The following CASZ1 variants were observed in gnomAD, a reference collection of about 807,000 sequenced individuals.
The protein encoded by CASZ1 is castor zinc finger 1, also known as zinc finger protein castor homolog 1.
In CASZ1, 28 loss-of-function variants were observed where a neutral mutation model predicts 135.2. The observed-to-expected ratio is 0.21, with a 90% CI of 0.15 to 0.28. CASZ1 has a LOEUF of 0.28. CASZ1 is among the 10% of genes least tolerant of loss of function. The pLI is 1.00. For missense variants in CASZ1, 2,161 were observed against 2,453.3 expected, an observed-to-expected ratio of 0.88 and a Z score of 2.52; for synonymous variants, 1,068 against 1,073.4, an observed-to-expected ratio of 0.99 and a Z score of 0.10.
In CASZ1 at chr1:10,727,250, G is replaced by C. The variant is rs529133388; in HGVS notation, c.-76-21706C>G. Among the ~76,000 whole-genome samples, 20 of 152,080 alleles carry C rather than the reference G, an allele frequency of 1.3e-4. No individual in the cohort carries two copies. Among genetic ancestry groups the C allele is most frequent in the Non-Finnish European group, 2.6e-4 (18 of 67,994 alleles). On this transcript the variant is annotated intron_variant, in intron 2 of 20. Coordinates refer to ENST00000377022, the MANE Select transcript of CASZ1 (RefSeq NM_001079843.3). This position sits in a 1 kb window ranked among gnomAD's most constrained non-coding sequence, Gnocchi z 5.3. ...GGAGACCAGGGCGTCTTGCAGGCAG[G>C]GGCTGCAGAGCCATAAGGCACCTGC...
In CASZ1 at chr1:10,672,967, G is replaced by T. The variant is rs537411824; in HGVS notation, c.17-7396C>A. 7.2e-5 allele frequency among the ~76,000 whole-genome samples: 11 copies of T among 152,282 alleles called. 1 individual carries two copies. The South Asian group carries it at 2.3e-3, about 32-fold the overall frequency. ...GTGTGCCTGTGAGTGTTTGGAGGTG[G>T]GCTGGCGGTTCCATTAATTTGTGGG... is the stretch of plus-strand genomic sequence containing the variant. On this transcript the variant is annotated intron_variant, in intron 4 of 20. Coordinates refer to ENST00000377022, the MANE Select transcript of CASZ1 (RefSeq NM_001079843.3).
intron 2 of CASZ1, among the ~76,000 whole-genome samples, chr1:10,729,829 T>A (rs75365172): frequency 0.035 from 5,248 of 151,964 alleles, 167 homozygotes; most frequent in African/African-American, 0.083. Context: ...TTTTTTTTTA[T>A]TTTTGACATG....
chr1:10,645,305 C>A (rs141751069), intron 17 of CASZ1, among the ~76,000 whole-genome samples: 1 of 152,134 alleles, frequency 6.6e-6, no homozygotes, highest in African/African-American at 2.4e-5. Flanking sequence ...CCGAGGTGGG[C>A]GGATCACGAG....
rs1639425327 is a variant in CASZ1, at chr1:10,717,956, G to T, written c.-76-12412C>A. Among the ~76,000 whole-genome samples the T allele has an allele frequency of 6.6e-6, 1 of 152,282 alleles. No individual in the cohort carries two copies. Among genetic ancestry groups the T allele is most frequent in the African/African-American group, 2.4e-5 (1 of 41,478 alleles). ...CTGGTCGCCTCAGCGACCAAAGCGG[G>T]TGCAGGGACGGGCCGAGGGGGCTAC... On this transcript the variant is annotated intron_variant, in intron 2 of 20. Transcript: ENST00000377022. The surrounding 1 kb of genome is among the most constrained non-coding windows in gnomAD (Gnocchi z 4.6).
chr1:10,639,608 G>C lies in CASZ1; in HGVS notation c.4614C>G (p.Gly1538=). The C allele has an allele frequency of 6.2e-7, 1 of 1,611,270 alleles. No homozygotes were observed. The change falls in exon 21 of 21, where the codon GGC becomes GGG. Residue 1538 remains glycine, a synonymous_variant. Transcript: ENST00000377022. The surrounding 1 kb of genome is among the most constrained non-coding windows in gnomAD (Gnocchi z 4.0). ...TKVTAHRKHH[G]KQDVISAAGF... ...CCGCGGCGCTGATCACGTCCTGTTTGCCGTGGTGCTTGCGATGCGCCGTGA... is the reference window on the plus strand; with the variant it reads ...CCGCGGCGCTGATCACGTCCTGTTTCCCGTGGTGCTTGCGATGCGCCGTGA...
At chr1:10,736,909 C>T (rs1197523929) in intron 2 of CASZ1, among the ~76,000 whole-genome samples, 1 of 152,224 alleles carries the variant, frequency 6.6e-6, no homozygotes, top group Non-Finnish European at 1.5e-5. Context: ...GCAGGTGCTC[C>T]TGGGGCCGTG....
intron 4 of CASZ1, among the ~76,000 whole-genome samples, chr1:10,682,080 A>T (rs1049851394): frequency 2.0e-5 from 3 of 152,234 alleles, no homozygotes; most frequent in Non-Finnish European, 2.9e-5. Flanking sequence ...GGGGATTGAA[A>T]AAAAGATGGG....
Position 10,679,203 on chromosome 1 carries a change from G to T in CASZ1, c.17-13632C>A, listed in dbSNP as rs988195523. Among the ~76,000 whole-genome samples, 2 of 152,222 alleles carry T rather than the reference G, an allele frequency of 1.3e-5. No homozygotes were observed. The highest frequency in any genetic ancestry group is 2.9e-5 in the Non-Finnish European group (2 of 68,032). On this transcript the variant is annotated intron_variant, in intron 4 of 20. Transcript: ENST00000377022. This position sits in a 1 kb window ranked among gnomAD's most constrained non-coding sequence, Gnocchi z 4.7. The stretch of plus-strand genomic sequence containing the variant: ...CCAGGGCCTGCTGCTTTTGATGAAA[G>T]CATAGGCTGATCCTGGGAGCCTGCT...
chr1:10,722,019 G>C (rs1196398154), intron 2 of CASZ1, among the ~76,000 whole-genome samples: 1 of 152,244 alleles, frequency 6.6e-6, no homozygotes, highest in East Asian at 1.9e-4. Flanking sequence ...CAGAGCATCT[G>C]CTCGTTAAGA....
At chr1:10,778,365 TAAAC>T (rs1023830448) in intron 1 of CASZ1, among the ~76,000 whole-genome samples, 7 of 151,258 alleles carry the variant, frequency 4.6e-5, no homozygotes, top group South Asian at 2.1e-4. Context: ...CACAATCTCA[TAAAC>T]AATCTCATAC....
At chr1:10,730,403 G>C (rs926113371) in intron 2 of CASZ1, among the ~76,000 whole-genome samples, 1 of 152,176 alleles carries the variant, frequency 6.6e-6, no homozygotes, top group African/African-American at 2.4e-5. Flanking sequence ...CTTGACCCTC[G>C]AGTATGCATC....
chr1:10,639,287 G>A lies in CASZ1; in HGVS notation c.4935C>T (p.Asp1645=), dbSNP rs1642114196. The change falls in exon 21 of 21, where the codon GAC becomes GAT. Residue 1645 remains aspartate, a synonymous_variant. Transcript: ENST00000377022. This position sits in a 1 kb window ranked among gnomAD's most constrained non-coding sequence, Gnocchi z 4.0. ...AAAGLGLALG[D]AGDPGPPDAA... is the part of the protein sequence containing the mutation. ...CGTCGGGCGGGCCGGGGTCGCCCGC[G>A]TCGCCCAGCGCCAGGCCCAGGCCGG... 4.1e-6 allele frequency: 5 copies of A among 1,215,362 alleles called. No individual in the cohort carries two copies. Among genetic ancestry groups the A allele is most frequent in the Non-Finnish European group, 4.1e-6 (4 of 973,716 alleles). The allele number at this position is 1,215,362 out of a possible 1,614,324, so 75.3% of individuals were successfully genotyped here.
chr1:10,675,022 G>GC (rs901629421), intron 4 of CASZ1, among the ~76,000 whole-genome samples: 1 of 151,790 alleles, frequency 6.6e-6, no homozygotes, highest in Non-Finnish European at 1.5e-5. Flanking sequence ...GATACCCCCC[G>GC]CAACCAACTG....
Position 10,698,928 on chromosome 1 carries a change from C to T in CASZ1, c.-23-5016G>A, listed in dbSNP as rs117620484. Among the ~76,000 whole-genome samples, 8 of 152,332 alleles carry T rather than the reference C, an allele frequency of 5.3e-5. No individual in the cohort carries two copies. The East Asian group carries it at 7.7e-4, about 15-fold the overall frequency. On this transcript the variant is annotated intron_variant, in intron 3 of 20. Transcript: ENST00000377022. Reference sequence around the variant, plus strand: ...AGGGCTCTGTGTGGCTCCAGCACAGCGGACCGGACCGGAGGCAGCCAGCTC... The same window carrying T: ...AGGGCTCTGTGTGGCTCCAGCACAGTGGACCGGACCGGAGGCAGCCAGCTC...
rs572824153 is a variant in CASZ1, at chr1:10,700,080, G to GACACACACACACAC, written c.-24+5398_-24+5411dup. Among the ~76,000 whole-genome samples the GACACACACACACAC allele has an allele frequency of 0.037, 4,969 of 133,946 alleles. 150 individuals carry two copies. Among genetic ancestry groups the GACACACACACACAC allele is most frequent in the Middle Eastern group, 0.058 (15 of 258 alleles). 87.9% of individuals were successfully genotyped at this position (133,946 alleles called of 152,430 possible). ...AGACAGAGAGAGAAAGAGAGATAGA[G>GACACACACACACAC]ACACACACACACACACACACACACA... On this transcript the variant is annotated intron_variant, in intron 3 of 20. Transcript: ENST00000377022. The surrounding 1 kb of genome is among the most constrained non-coding windows in gnomAD (Gnocchi z 4.2).
At position 10,638,366 on chromosome 1, in the gene CASZ1, C is replaced by G. The variant is rs1642064213; in HGVS notation, c.*576G>C. On this transcript the variant is annotated 3_prime_UTR_variant, in exon 21 of 21. Transcript: ENST00000377022. The surrounding 1 kb of genome is among the most constrained non-coding windows in gnomAD (Gnocchi z 5.9). ...CCCGACCCAGGCCTGGGGGAGCAGC[C>G]GGGCCCTGGGGTGGGGCTGAGCTGG... 1 of 152,152 alleles carries G rather than the reference C, an allele frequency of 6.6e-6. No homozygotes were observed. The highest frequency in any genetic ancestry group is 6.5e-5 in the Admixed American group (1 of 15,276). The allele number at this position is 152,152 out of a possible 1,614,324, so 9.4% of individuals were successfully genotyped here.
intron 4 of CASZ1, among the ~76,000 whole-genome samples, chr1:10,678,194 G>T (rs114817050): frequency 6.6e-6 from 1 of 152,160 alleles, no homozygotes; most frequent in African/African-American, 2.4e-5. Context: ...CACACCACCC[G>T]CCCTCCCTGC....
At chr1:10,772,371 C>T (rs1028924314) in intron 1 of CASZ1, among the ~76,000 whole-genome samples, 3 of 152,228 alleles carry the variant, frequency 2.0e-5, no homozygotes, top group African/African-American at 4.8e-5. Context: ...CTCCTTCCCC[C>T]ATAGAAACTT....
chr1:10,643,204 G>A lies in CASZ1; in HGVS notation c.3976C>T (p.Arg1326Trp), dbSNP rs199630871. 1.2e-6 allele frequency: 2 copies of A among 1,612,448 alleles called. No homozygotes were observed. The highest frequency in any genetic ancestry group is 1.3e-5 in the African/African-American group (1 of 74,910). Residue 1326 changes from arginine to tryptophan, a missense_variant, in exon 19 of 21, where the codon CGG becomes TGG. By Grantham distance (101) the Arg-to-Trp change is moderately radical. Coordinates refer to ENST00000377022, the MANE Select transcript of CASZ1 (RefSeq NM_001079843.3). ...QMTSHARKHMRRMLGKNFDRV... is the reference protein window; with the variant it reads ...QMTSHARKHMWRMLGKNFDRV... Reference sequence around the variant, plus strand: ...TCGAAGTTCTTCCCCAGCATCCTCCGCATGTGCTTCCGCGCGTGGGAGGTC... The same window carrying A: ...TCGAAGTTCTTCCCCAGCATCCTCCACATGTGCTTCCGCGCGTGGGAGGTC...
Sources: allele counts gnomAD v4.1 joint callset (sites outside exome capture counted in the v4.1 genomes callset), GRCh38; gene constraint gnomAD v4.1.1; non-coding constraint Gnocchi (gnomAD v3.1); transcripts MANE v1.5; gene names NCBI Gene and HGNC (gene_info 2026-07-23, HGNC 2026-07-21).